LHFPL6: variants seen among roughly 807,000 people sequenced by gnomAD.
The protein encoded by LHFPL6 is LHFPL tetraspan subfamily member 6 protein.
In LHFPL6, 9 loss-of-function variants were observed where a neutral mutation model predicts 20.6. The ratio of observed to expected loss-of-function variants is 0.44; its 90% CI spans 0.26 to 0.76. The LOEUF (loss-of-function observed/expected upper bound fraction) is 0.76. Ranked by LOEUF, LHFPL6 falls within the 30% of genes least tolerant of loss-of-function variation. The probability of loss-of-function intolerance (pLI) is 0.20; values close to 1 mark genes in which losing one functional copy is unlikely to be tolerated. For synonymous variants in LHFPL6, 105 were observed against 98.7 expected, an observed-to-expected ratio of 1.06 and a Z score of -0.38; for missense variants, 218 against 253.5, an observed-to-expected ratio of 0.86 and a Z score of 0.95.
chr13:39,450,092 C>T (rs1208963220), intron 2 of LHFPL6, among the ~76,000 whole-genome samples: 3 of 152,156 alleles, frequency 2.0e-5, no homozygotes, highest in Non-Finnish European at 4.4e-5. Flanking sequence ...TGCTTTTATG[C>T]TTTACCTAAA....
intron 2 of LHFPL6, among the ~76,000 whole-genome samples, chr13:39,385,751 C>CA (rs535666463): frequency 5.7e-4 from 87 of 152,322 alleles, no homozygotes; most frequent in African/African-American, 2.0e-3. Flanking sequence ...ATTAACATAA[C>CA]AATTCAGCTC....
chr13:39,406,843 G>C lies in LHFPL6; in HGVS notation c.386-28317C>G, dbSNP rs531507110. ...TCACCTGAAACAATTTTGTGGTCAT[G>C]CTGACAAGCAAATGTTCAACCACTG... On this transcript the variant is annotated intron_variant, in intron 2 of 3. Transcript: ENST00000379589. Among the ~76,000 whole-genome samples the C allele has an allele frequency of 3.7e-4, 56 of 152,278 alleles. 2 individuals carry two copies. In the Middle Eastern group the frequency reaches 0.014, roughly 37 times the overall value.
chr13:39,376,264 C>T (rs963375931), intron 3 of LHFPL6, among the ~76,000 whole-genome samples: 1 of 152,098 alleles, frequency 6.6e-6, no homozygotes, highest in East Asian at 1.9e-4. Flanking sequence ...AAGAAAAATG[C>T]CAAGCACTGT....
In LHFPL6 at chr13:39,344,007, T is replaced by C; in HGVS notation, c.532A>G (p.Thr178Ala). 1 of 1,613,818 alleles carries C rather than the reference T, an allele frequency of 6.2e-7. No individual in the cohort carries two copies. ...WAYYCTGAGA[T>A]AAMLLCTWLA... ...CACGTGCACAGCAGCATGGCGGCAG[T>C]GGCACCTGCTCCCGTGCAGTAGTAG... The change falls in exon 4 of 4, where the codon ACT (threonine) becomes GCT (alanine). Residue 178 changes from threonine (T) to alanine (A), a missense_variant. Transcript: ENST00000379589.
intron 2 of LHFPL6, among the ~76,000 whole-genome samples, chr13:39,489,782 T>C (rs1593333230): frequency 6.6e-6 from 1 of 152,116 alleles, no homozygotes; most frequent in Non-Finnish European, 1.5e-5. Flanking sequence ...CTCGAACTCC[T>C]GAGCACAAGT....
intron 2 of LHFPL6, among the ~76,000 whole-genome samples, chr13:39,385,535 C>T (rs1870542389): frequency 6.6e-6 from 1 of 152,274 alleles, no homozygotes; most frequent in Admixed American, 6.5e-5. Context: ...AAACCACCTA[C>T]AGGAGCGTTC....
At chr13:39,417,801 G>T (rs1430545866) in intron 2 of LHFPL6, among the ~76,000 whole-genome samples, 1 of 152,184 alleles carries the variant, frequency 6.6e-6, no homozygotes, top group Non-Finnish European at 1.5e-5. Flanking sequence ...CTGGGGTGGT[G>T]ACAAGGAGAC....
chr13:39,490,241 A>ATGCAGGAAT (rs1040250917), intron 2 of LHFPL6, among the ~76,000 whole-genome samples: 5 of 152,228 alleles, frequency 3.3e-5, no homozygotes, highest in African/African-American at 9.6e-5. Flanking sequence ...ATTCCAAAAC[A>ATGCAGGAAT]TGCAGGAATT....
intron 1 of LHFPL6, among the ~76,000 whole-genome samples, chr13:39,601,951 C>T (rs1872965056): frequency 1.3e-5 from 2 of 152,206 alleles, no homozygotes; most frequent in South Asian, 4.1e-4. Flanking sequence ...TTACCAGACA[C>T]TCTTTGTACT....
chr13:39,402,068 C>A (rs945115440), intron 2 of LHFPL6, among the ~76,000 whole-genome samples: 1 of 152,066 alleles, frequency 6.6e-6, no homozygotes, highest in South Asian at 2.1e-4. Context: ...AAAATACACA[C>A]CAATTACAAA....
At chr13:39,577,287 G>A (rs1872145782) in intron 2 of LHFPL6, among the ~76,000 whole-genome samples, 1 of 152,144 alleles carries the variant, frequency 6.6e-6, no homozygotes, top group African/African-American at 2.4e-5. Context: ...TCTCCAACAG[G>A]CTACACCCTA....
At chr13:39,404,338 T>C (rs1344623249) in intron 2 of LHFPL6, among the ~76,000 whole-genome samples, 1 of 152,208 alleles carries the variant, frequency 6.6e-6, no homozygotes, top group Non-Finnish European at 1.5e-5. Flanking sequence ...AAGCCTTCTT[T>C]CAGTCCTTTG....
intron 2 of LHFPL6, among the ~76,000 whole-genome samples, chr13:39,504,071 C>G (rs1566126572): frequency 6.6e-6 from 1 of 152,162 alleles, no homozygotes; most frequent in African/African-American, 2.4e-5. Context: ...TTGCACCAAC[C>G]TAAATAATAA....
In LHFPL6 at chr13:39,427,693, C is replaced by T. The variant is rs541992106; in HGVS notation, c.386-49167G>A. 1.1e-3 allele frequency among the ~76,000 whole-genome samples: 164 copies of T among 152,110 alleles called. 1 individual carries two copies. The South Asian group carries it at 0.021, about 20-fold the overall frequency. On this transcript the variant is annotated intron_variant, in intron 2 of 3. Coordinates refer to ENST00000379589, the MANE Select transcript of LHFPL6 (RefSeq NM_005780.3). ...GGATATGACTTGCTAAAAAGTGTAA[C>T]GAAATTTGGCACTAGGGTTCATGAG...
intron 2 of LHFPL6, among the ~76,000 whole-genome samples, chr13:39,428,999 C>A (rs1039578183): frequency 2.6e-5 from 4 of 152,094 alleles, no homozygotes; most frequent in African/African-American, 9.7e-5. Flanking sequence ...ATACTTACTT[C>A]TAAGTTAATT....
chr13:39,426,509 C>T lies in LHFPL6; in HGVS notation c.386-47983G>A, dbSNP rs561436316. ...TGCGGGGATTAAAGGTGTGAGCCAT[C>T]GCGCCTGGCCTAATTTACTTTATTT... is the stretch of plus-strand genomic sequence containing the variant. On this transcript the variant is annotated intron_variant, in intron 2 of 3. Coordinates refer to ENST00000379589, the MANE Select transcript of LHFPL6 (RefSeq NM_005780.3). 6.6e-5 allele frequency among the ~76,000 whole-genome samples: 10 copies of T among 152,206 alleles called. No individual in the cohort carries two copies. The South Asian group carries it at 1.0e-3, about 16-fold the overall frequency.
chr13:39,346,887 A>G (rs1227030724), intron 3 of LHFPL6, among the ~76,000 whole-genome samples: 1 of 151,870 alleles, frequency 6.6e-6, no homozygotes, highest in Non-Finnish European at 1.5e-5. Context: ...TAGCCGGGCA[A>G]ATTTGATCAA....
At chr13:39,456,394 TG>T (rs1166819309) in intron 2 of LHFPL6, among the ~76,000 whole-genome samples, 1 of 152,248 alleles carries the variant, frequency 6.6e-6, no homozygotes, top group Non-Finnish European at 1.5e-5. Flanking sequence ...TTTTCACTTT[TG>T]ATAAACTGCG....
At chr13:39,444,722 G>A (rs1464983921) in intron 2 of LHFPL6, among the ~76,000 whole-genome samples, 1 of 152,182 alleles carries the variant, frequency 6.6e-6, no homozygotes, top group Non-Finnish European at 1.5e-5. Flanking sequence ...GAGTTGTGGG[G>A]CCATGGCAGC....
Sources: gnomAD v4.1 joint callset for allele counts (sites outside exome capture counted in the v4.1 genomes callset) on GRCh38, gnomAD v4.1.1 for gene constraint, MANE v1.5 for transcripts, NCBI Gene and HGNC (gene_info 2026-07-23, HGNC 2026-07-21) for gene names.